ACBD6: variants seen among roughly 807,000 people sequenced by gnomAD.
ACBD6 encodes the protein acyl-CoA binding domain containing 6, also known as acyl-CoA-binding domain-containing protein 6.
A neutral mutation model predicts 37.2 loss-of-function variants in ACBD6; 28 were observed. The observed-to-expected ratio is 0.75, with a 90% CI of 0.56 to 1.03. The LOEUF (loss-of-function observed/expected upper bound fraction) is 1.03. Among genes scored for constraint, ACBD6 ranks in the 50% least tolerant of loss-of-function variants. The pLI is 0.00. For missense variants in ACBD6, 340 were observed against 337.4 expected (o/e 1.01, Z -0.06); for synonymous variants, 113 against 126.8 (o/e 0.89, Z 0.73).
chr1:180,306,198 T>C (rs977447721), intron 7 of ACBD6, among the ~76,000 whole-genome samples: 9 of 151,718 alleles, frequency 5.9e-5, no homozygotes, highest in Non-Finnish European at 1.0e-4. Flanking sequence ...TGTATACATA[T>C]GTAACTAAAC....
chr1:180,459,760 T>C (rs1180373969), intron 3 of ACBD6, among the ~76,000 whole-genome samples: 1 of 152,174 alleles, frequency 6.6e-6, no homozygotes, highest in African/African-American at 2.4e-5. Context: ...GAGTGATGCT[T>C]ATACGGGGAA....
intron 9 of ACBD6, among the ~76,000 whole-genome samples, chr1:180,279,301 T>A (rs4058058): frequency 0.67 from 101,101 of 152,024 alleles, 36,379 homozygotes; most frequent in Non-Finnish European, 0.81. Context: ...GTGGCATTTT[T>A]AAAATTTTTT....
At chr1:180,486,044 T>C (rs186353666) in intron 3 of ACBD6, among the ~76,000 whole-genome samples, 1 of 152,184 alleles carries the variant, frequency 6.6e-6, no homozygotes, top group East Asian at 1.9e-4. Context: ...AGAGGCAATC[T>C]ACTATGAGCC....
chr1:180,279,534 G>T (rs2005420), intron 9 of ACBD6, among the ~76,000 whole-genome samples: 3 of 152,216 alleles, frequency 2.0e-5, no homozygotes, highest in Non-Finnish European at 4.4e-5. Context: ...CTGACCTCAA[G>T]TGATCCGCCC....
At chr1:180,417,793 T>C (rs973356333) in intron 4 of ACBD6, among the ~76,000 whole-genome samples, 5 of 152,186 alleles carry the variant, frequency 3.3e-5, no homozygotes, top group African/African-American at 1.2e-4. Flanking sequence ...TTGGAGGTAG[T>C]CTTTCTAGGA....
chr1:180,443,308 G>A (rs1477192390), intron 3 of ACBD6, among the ~76,000 whole-genome samples: 1 of 152,090 alleles, frequency 6.6e-6, no homozygotes, highest in Non-Finnish European at 1.5e-5. Flanking sequence ...TGACTGGTAG[G>A]AAACAAAATA....
At chr1:180,417,894 T>C (rs1289275727) in intron 4 of ACBD6, among the ~76,000 whole-genome samples, 1 of 152,188 alleles carries the variant, frequency 6.6e-6, no homozygotes, top group Non-Finnish European at 1.5e-5. Flanking sequence ...CCTGATTTAC[T>C]TGTTGGATGT....
chr1:180,498,059 C>T (rs755640381), intron 1 of ACBD6, among the ~76,000 whole-genome samples: 14 of 152,198 alleles, frequency 9.2e-5, no homozygotes, highest in Non-Finnish European at 1.8e-4. Flanking sequence ...TTTGTAACAT[C>T]ATTCCATGAA....
intron 6 of ACBD6, among the ~76,000 whole-genome samples, chr1:180,364,383 G>A (rs1408547266): frequency 6.6e-6 from 1 of 152,198 alleles, no homozygotes; most frequent in Non-Finnish European, 1.5e-5. Flanking sequence ...CATTGATTCA[G>A]TAATGAGCCA....
chr1:180,386,133 G>A (rs974908108), intron 6 of ACBD6, among the ~76,000 whole-genome samples: 3 of 152,148 alleles, frequency 2.0e-5, no homozygotes, highest in African/African-American at 4.8e-5. Context: ...TTGCACCACT[G>A]CACTCCAGCC....
chr1:180,395,630 T>C (rs1425041871), intron 6 of ACBD6, among the ~76,000 whole-genome samples: 1 of 152,124 alleles, frequency 6.6e-6, no homozygotes, highest in African/African-American at 2.4e-5. Flanking sequence ...AGGATGTCTA[T>C]TGTCAAAAGC....
intron 6 of ACBD6, among the ~76,000 whole-genome samples, chr1:180,395,663 A>G (rs1488086556): frequency 2.0e-5 from 3 of 152,188 alleles, no homozygotes; most frequent in African/African-American, 7.2e-5. Flanking sequence ...AAGTGTGGAC[A>G]AGGATGCGGA....
chr1:180,464,693 T>G (rs6667388), intron 3 of ACBD6, among the ~76,000 whole-genome samples: 17,057 of 152,084 alleles, frequency 0.11, 1,424 homozygotes, highest in African/African-American at 0.23. Context: ...ATTTTAAATT[T>G]TATATGGAAC....
intron 6 of ACBD6, among the ~76,000 whole-genome samples, chr1:180,393,209 T>C (rs530190827): frequency 6.6e-6 from 1 of 152,306 alleles, no homozygotes; most frequent in South Asian, 2.1e-4. Flanking sequence ...ACTGTATCCA[T>C]AATACTGTCA....
chr1:180,386,710 A>G (rs557290007), intron 6 of ACBD6, among the ~76,000 whole-genome samples: 1 of 152,050 alleles, frequency 6.6e-6, no homozygotes, highest in East Asian at 1.9e-4. Context: ...GAGTGCATCC[A>G]GTGAATTTTT....
chr1:180,474,489 T>C (rs997591266), intron 3 of ACBD6, among the ~76,000 whole-genome samples: 3 of 152,184 alleles, frequency 2.0e-5, no homozygotes, highest in African/African-American at 4.8e-5. Context: ...TAATGTCATG[T>C]GGAGAAAATA....
At chr1:180,497,773 T>A (rs1020489304) in intron 1 of ACBD6, among the ~76,000 whole-genome samples, 1 of 152,196 alleles carries the variant, frequency 6.6e-6, no homozygotes, top group Non-Finnish European at 1.5e-5. Flanking sequence ...TAATGCTGCA[T>A]CCAGTCTACT....
intron 5 of ACBD6, among the ~76,000 whole-genome samples, chr1:180,413,091 T>C (rs931447243): frequency 6.6e-6 from 1 of 152,198 alleles, no homozygotes; most frequent in African/African-American, 2.4e-5. Context: ...ATTTCACTTA[T>C]TATGCGAATA....
chr1:180,406,616 G>C (rs1647638134), intron 5 of ACBD6, among the ~76,000 whole-genome samples: 1 of 152,042 alleles, frequency 6.6e-6, no homozygotes. Context: ...ATAGCTATCA[G>C]TGAATAATGT....
Sources: allele counts gnomAD v4.1 joint callset (sites outside exome capture counted in the v4.1 genomes callset), GRCh38; gene constraint gnomAD v4.1.1; transcripts MANE v1.5; gene names NCBI Gene and HGNC (gene_info 2026-07-23, HGNC 2026-07-21).